Variants in NKAIN2 observed in about 807,000 individuals in gnomAD.
The protein encoded by NKAIN2 is sodium/potassium-transporting ATPase subunit beta-1-interacting protein 2.
Under a neutral mutation model 32.6 loss-of-function variants are expected in NKAIN2, and 14 were observed. The ratio of observed to expected loss-of-function variants is 0.43; its 90% confidence interval spans 0.28 to 0.67. The LOEUF is 0.67. Among genes scored for constraint, NKAIN2 ranks in the 30% least tolerant of loss-of-function variants. NKAIN2 has a pLI of 0.17. For missense variants in NKAIN2, 198 were observed against 258.3 expected (o/e 0.77, Z 1.60); for synonymous variants, 80 against 87.2 (o/e 0.92, Z 0.46).
chr6:124,214,845 T>C (rs1791385464), intron 1 of NKAIN2, among the ~76,000 whole-genome samples: 1 of 152,196 alleles, frequency 6.6e-6, no homozygotes, highest in Non-Finnish European at 1.5e-5. Flanking sequence ...CAATCAGACA[T>C]TTATCCAGAC....
At position 124,557,506 on chromosome 6, in the gene NKAIN2, A is replaced by G. The variant is rs547656124; in HGVS notation, c.274-100680A>G. 2.0e-5 allele frequency among the ~76,000 whole-genome samples: 3 copies of G among 152,344 alleles called. No individual in the cohort carries two copies. In the East Asian group the frequency reaches 5.8e-4, roughly 29 times the overall value. ...TGATTAAGGAAAACAAAACAAAAAA[A>G]GTCCCTAAACTACTGTAACTGAGTT... On this transcript the variant is annotated intron_variant, in intron 3 of 6. Coordinates refer to ENST00000368417, the MANE Select transcript of NKAIN2 (RefSeq NM_001040214.3).
intron 1 of NKAIN2, among the ~76,000 whole-genome samples, chr6:124,031,265 C>G (rs1781390107): frequency 6.6e-6 from 1 of 152,052 alleles, no homozygotes; most frequent in Admixed American, 6.6e-5. Flanking sequence ...TCCCCTTTAT[C>G]ATTTTTTATT....
intron 2 of NKAIN2, among the ~76,000 whole-genome samples, chr6:124,354,336 A>C (rs577563818): frequency 6.6e-6 from 1 of 152,184 alleles, no homozygotes; most frequent in Non-Finnish European, 1.5e-5. Flanking sequence ...GTGTCTTGCT[A>C]GCATGTTGCC....
chr6:124,274,455 T>C (rs1486014589), intron 1 of NKAIN2, among the ~76,000 whole-genome samples: 3 of 152,118 alleles, frequency 2.0e-5, no homozygotes, highest in Non-Finnish European at 4.4e-5. Flanking sequence ...AAGTATTTGG[T>C]AGTAAAGCAG....
chr6:124,560,759 C>G (rs1780659947), intron 3 of NKAIN2, among the ~76,000 whole-genome samples: 1 of 152,168 alleles, frequency 6.6e-6, no homozygotes, highest in Non-Finnish European at 1.5e-5. Context: ...TTGTTGCTTA[C>G]CACATTATAT....
chr6:124,052,694 G>A (rs1782467690), intron 1 of NKAIN2, among the ~76,000 whole-genome samples: 1 of 152,026 alleles, frequency 6.6e-6, no homozygotes, highest in Non-Finnish European at 1.5e-5. Flanking sequence ...GCAGAATATG[G>A]CAAATACCCT....
intron 1 of NKAIN2, among the ~76,000 whole-genome samples, chr6:123,933,894 A>G (rs1776384260): frequency 6.6e-6 from 1 of 152,220 alleles, no homozygotes; most frequent in Non-Finnish European, 1.5e-5. Flanking sequence ...GCAGCAGACA[A>G]AATTACTGAT....
At chr6:124,599,562 C>G (rs1782230025) in intron 3 of NKAIN2, among the ~76,000 whole-genome samples, 1 of 152,048 alleles carries the variant, frequency 6.6e-6, no homozygotes, top group Non-Finnish European at 1.5e-5. Context: ...ATCCTTGTAC[C>G]CTGAGTACCC....
chr6:123,811,767 C>T (rs1364243146), intron 1 of NKAIN2, among the ~76,000 whole-genome samples: 2 of 151,828 alleles, frequency 1.3e-5, no homozygotes, highest in East Asian at 3.9e-4. Context: ...GGCCAATGGC[C>T]CTAGTTAGAA....
At chr6:124,247,244 C>A (rs1435696402) in intron 1 of NKAIN2, among the ~76,000 whole-genome samples, 1 of 151,968 alleles carries the variant, frequency 6.6e-6, no homozygotes, top group East Asian at 1.9e-4. Context: ...TTGTGCCACC[C>A]CTGTGATGTT....
chr6:124,578,570 G>T (rs1211926828), intron 3 of NKAIN2, among the ~76,000 whole-genome samples: 9 of 152,084 alleles, frequency 5.9e-5, no homozygotes, highest in Admixed American at 5.9e-4. Flanking sequence ...AGAGCAACAG[G>T]TAGATTTCTA....
chr6:124,310,149 A>T (rs1327136994), intron 2 of NKAIN2, among the ~76,000 whole-genome samples: 1 of 152,218 alleles, frequency 6.6e-6, no homozygotes, highest in Non-Finnish European at 1.5e-5. Context: ...CCACGAAGAA[A>T]AATGAAGAAA....
intron 3 of NKAIN2, among the ~76,000 whole-genome samples, chr6:124,609,002 G>A (rs988525090): frequency 1.2e-4 from 18 of 152,242 alleles, no homozygotes; most frequent in East Asian, 1.9e-4. Context: ...TATTTGTTGC[G>A]GTTTGTTTGG....
At chr6:124,129,721 G>C (rs1028948243) in intron 1 of NKAIN2, among the ~76,000 whole-genome samples, 4 of 152,150 alleles carry the variant, frequency 2.6e-5, no homozygotes, top group African/African-American at 9.6e-5. Flanking sequence ...GGGTTCAAGA[G>C]ATTCTCCTGC....
intron 1 of NKAIN2, among the ~76,000 whole-genome samples, chr6:123,999,123 G>A (rs1779771304): frequency 6.6e-6 from 1 of 152,002 alleles, no homozygotes; most frequent in Non-Finnish European, 1.5e-5. Context: ...AACTTACAGA[G>A]GGTTGGTTTC....
intron 3 of NKAIN2, among the ~76,000 whole-genome samples, chr6:124,407,814 A>T (rs924156834): frequency 6.6e-6 from 1 of 150,910 alleles, no homozygotes; most frequent in Non-Finnish European, 1.5e-5. Context: ...TCCCACCAAC[A>T]GTGTAAAAGT....
intron 3 of NKAIN2, among the ~76,000 whole-genome samples, chr6:124,508,384 A>T (rs545408059): frequency 2.7e-4 from 41 of 151,004 alleles, no homozygotes; most frequent in Admixed American, 2.4e-3. Flanking sequence ...TCGCTCTGTC[A>T]CCCAGGCTGG....
At chr6:124,195,004 T>C (rs935674675) in intron 1 of NKAIN2, among the ~76,000 whole-genome samples, 4 of 151,758 alleles carry the variant, frequency 2.6e-5, no homozygotes, top group Admixed American at 6.6e-5. Flanking sequence ...GGCTTTTTTT[T>C]TTTTTTAGTT....
intron 3 of NKAIN2, among the ~76,000 whole-genome samples, chr6:124,559,290 T>A (rs570501663): frequency 2.0e-5 from 3 of 152,174 alleles, no homozygotes; most frequent in Admixed American, 2.0e-4. Flanking sequence ...GCCAATATAA[T>A]AAGTGAGAGG....
Sources: gnomAD v4.1 joint callset for allele counts (sites outside exome capture counted in the v4.1 genomes callset) on GRCh38, gnomAD v4.1.1 for gene constraint, MANE v1.5 for transcripts, NCBI Gene and HGNC (gene_info 2026-07-23, HGNC 2026-07-21) for gene names.